The following SH3BP4 variants were observed in gnomAD, a reference collection of about 807,000 sequenced individuals.
The protein encoded by SH3BP4 is SH3 domain-binding protein 4.
SH3BP4 carries 33 observed loss-of-function variants against 65.5 expected under a neutral mutation model. The observed-to-expected ratio is 0.50, with a 90% CI of 0.38 to 0.67. The LOEUF is 0.67. SH3BP4 is among the 30% of genes least tolerant of loss of function. The probability of loss-of-function intolerance (pLI) is 0.00; values close to 1 mark genes in which losing one functional copy is unlikely to be tolerated. For synonymous variants in SH3BP4, 552 were observed against 545.5 expected (o/e 1.01, Z -0.17); for missense variants, 1,134 against 1,261.4 (o/e 0.90, Z 1.53).
At chr2:234,994,813 T>C (rs1211318380) in intron 1 of SH3BP4, 1 of 152,296 alleles carries the variant, frequency 6.6e-6, no homozygotes, top group Non-Finnish European at 1.5e-5. Context: ...CAGAGGCCAC[T>C]GGGCAGGACG....
chr2:235,043,731 C>T (rs1462314727), intron 4 of SH3BP4, among the ~76,000 whole-genome samples: 1 of 131,618 alleles, frequency 7.6e-6, no homozygotes, highest in Non-Finnish European at 1.6e-5. Flanking sequence ...TCAGCACAGC[C>T]TTTCGCCTTC....
intron 1 of SH3BP4, among the ~76,000 whole-genome samples, chr2:234,970,407 A>T (rs1201687123): frequency 1.3e-5 from 2 of 152,140 alleles, no homozygotes; most frequent in East Asian, 3.9e-4. Context: ...TGGCTTTTTA[A>T]TTTTAAAAGC....
intron 2 of SH3BP4, among the ~76,000 whole-genome samples, chr2:235,020,150 G>A (rs1357754134): frequency 6.6e-6 from 1 of 152,150 alleles, no homozygotes; most frequent in Non-Finnish European, 1.5e-5. Context: ...AGGAATGGGT[G>A]TCTTTAAAAC....
rs948191729 is a variant in SH3BP4, at chr2:235,042,373, A to G, written c.1604A>G (p.Gln535Arg). 2 of 1,614,158 alleles carry G rather than the reference A, an allele frequency of 1.2e-6. No homozygotes were observed. Among genetic ancestry groups the G allele is most frequent in the Non-Finnish European group, 1.7e-6 (2 of 1,180,036 alleles). Reference protein sequence around the residue: ...GKHQFVLSRPQDLKVCMFSNM... With the variant: ...GKHQFVLSRPRDLKVCMFSNM... ...CACCAGTTCGTTTTGTCCAGGCCCC[A>G]GGATCTCAAGGTCTGTATGTTTTCC... The change falls in exon 4 of 6, where the codon CAG becomes CGG. Residue 535 changes from glutamine (Q) to arginine (R), a missense_variant. Gln to Arg is a conservative substitution (Grantham distance 43). Coordinates refer to ENST00000392011, the MANE Select transcript of SH3BP4 (RefSeq NM_014521.3). The surrounding 1 kb of genome is among the most constrained non-coding windows in gnomAD (Gnocchi z 7.3).
chr2:235,011,830 T>A (rs1287746082), intron 2 of SH3BP4, among the ~76,000 whole-genome samples: 1 of 152,188 alleles, frequency 6.6e-6, no homozygotes, highest in African/African-American at 2.4e-5. Context: ...CCCATTCATA[T>A]ACAAGGAGAT....
chr2:234,966,806 T>C (rs1692849503), intron 1 of SH3BP4, among the ~76,000 whole-genome samples: 1 of 152,228 alleles, frequency 6.6e-6, no homozygotes, highest in Non-Finnish European at 1.5e-5. Context: ...CAAATGGACC[T>C]GGTGTCAAAC....
chr2:234,992,838 T>C (rs1693792445), intron 1 of SH3BP4, among the ~76,000 whole-genome samples: 1 of 147,008 alleles, frequency 6.8e-6, no homozygotes, highest in African/African-American at 2.6e-5. Flanking sequence ...GATGGACACG[T>C]TCCTGCCGTG....
rs1695681772 is a variant in SH3BP4, at chr2:235,042,215, A to G, written c.1446A>G (p.Lys482=). 1 of 1,614,044 alleles carries G rather than the reference A, an allele frequency of 6.2e-7. No homozygotes were observed. The highest frequency in any genetic ancestry group is 8.5e-7 in the Non-Finnish European group (1 of 1,180,002). The part of the protein sequence containing the change: ...KKVTVGLYGP[K]HIHPSFKTVV... Reference sequence around the variant, plus strand: ...TCACAGTGGGTCTCTACGGCCCTAAACACATCCACCCATCCTTCAAGACGG... The same window carrying G: ...TCACAGTGGGTCTCTACGGCCCTAAGCACATCCACCCATCCTTCAAGACGG... The change falls in exon 4 of 6, where the codon AAA becomes AAG. Residue 482 remains lysine, a synonymous_variant. Coordinates refer to ENST00000392011, the MANE Select transcript of SH3BP4 (RefSeq NM_014521.3). This position sits in a 1 kb window ranked among gnomAD's most constrained non-coding sequence, Gnocchi z 7.3.
At chr2:235,007,203 A>G (rs1694323464) in intron 2 of SH3BP4, among the ~76,000 whole-genome samples, 1 of 152,142 alleles carries the variant, frequency 6.6e-6, no homozygotes, top group Non-Finnish European at 1.5e-5. Flanking sequence ...GCAGGAAGGC[A>G]GGAGCAGGAG....
In SH3BP4 at chr2:234,967,758, G is replaced by A. The variant is rs1261176184; in HGVS notation, c.-207+15588G>A. ...GATGCTGAGTCCCGCTTTGGGAGGT[G>A]TGGCACAGGGGCAGCCACAGTGGAC... On this transcript the variant is annotated intron_variant, in intron 1 of 5. Transcript: ENST00000392011. This position sits in a 1 kb window ranked among gnomAD's most constrained non-coding sequence, Gnocchi z 4.6. Among the ~76,000 whole-genome samples the A allele has an allele frequency of 1.3e-5, 2 of 152,186 alleles. No individual in the cohort carries two copies. Among genetic ancestry groups the A allele is most frequent in the Non-Finnish European group, 2.9e-5 (2 of 68,034 alleles).
intron 1 of SH3BP4, among the ~76,000 whole-genome samples, chr2:234,980,129 G>A (rs866458995): frequency 6.6e-6 from 1 of 152,288 alleles, no homozygotes; most frequent in Non-Finnish European, 1.5e-5. Context: ...TAGTTCATCT[G>A]TTTTCATTAC....
intron 1 of SH3BP4, among the ~76,000 whole-genome samples, chr2:234,971,499 A>G (rs1237155466): frequency 1.3e-5 from 2 of 152,206 alleles, no homozygotes; most frequent in Non-Finnish European, 2.9e-5. Context: ...TCTTTTGGGT[A>G]TATTCCCAGA....
At chr2:234,956,579 G>A (rs1316545604) in intron 1 of SH3BP4, among the ~76,000 whole-genome samples, 1 of 131,688 alleles carries the variant, frequency 7.6e-6, no homozygotes, top group South Asian at 2.6e-4. Flanking sequence ...TTTTTGAGTT[G>A]AGATTTCTCT....
Position 235,054,137 on chromosome 2 carries a change from G to C in SH3BP4, c.*321G>C. 1 of 276,550 alleles carries C rather than the reference G, an allele frequency of 3.6e-6. No individual in the cohort carries two copies. The highest frequency in any genetic ancestry group is 6.9e-6 in the Non-Finnish European group (1 of 145,512). 17.1% of individuals were successfully genotyped at this position (276,550 alleles called of 1,614,324 possible). ...TCTAATTTTTTTATGGACCATAAAG[G>C]TTTAAAAGAAAATAGGGGCACAGGC... is the stretch of plus-strand genomic sequence containing the variant. On this transcript the variant is annotated 3_prime_UTR_variant, in exon 6 of 6. Coordinates refer to ENST00000392011, the MANE Select transcript of SH3BP4 (RefSeq NM_014521.3).
intron 2 of SH3BP4, among the ~76,000 whole-genome samples, chr2:235,010,071 G>A (rs1379981889): frequency 6.7e-6 from 1 of 148,354 alleles, no homozygotes; most frequent in African/African-American, 2.4e-5. Context: ...CCATCCCCGG[G>A]ATCCCCCAAA....
chr2:234,982,920 A>G (rs1693431691), intron 1 of SH3BP4, among the ~76,000 whole-genome samples: 1 of 152,150 alleles, frequency 6.6e-6, no homozygotes, highest in African/African-American at 2.4e-5. Context: ...TAATACAATG[A>G]TGATGAGGCA....
intron 2 of SH3BP4, among the ~76,000 whole-genome samples, chr2:235,017,045 CTTTTTTTTTTT>C (rs995197698): frequency 3.4e-5 from 3 of 88,440 alleles, no homozygotes; most frequent in Admixed American, 2.6e-4. Context: ...GTTTGCCTTT[CTTTTTTTTTTT>C]TTTTTTTTTT....
chr2:234,990,163 A>G (rs1385014395), intron 1 of SH3BP4, among the ~76,000 whole-genome samples: 1 of 152,346 alleles, frequency 6.6e-6, no homozygotes, highest in Non-Finnish European at 1.5e-5. Flanking sequence ...TCTGAAATCC[A>G]AAGCACTTCT....
In SH3BP4 at chr2:235,026,010, G is replaced by A. The variant is rs889392449; in HGVS notation, c.-132-8861G>A. On this transcript the variant is annotated intron_variant, in intron 2 of 5. Coordinates refer to ENST00000392011, the MANE Select transcript of SH3BP4 (RefSeq NM_014521.3). This position sits in a 1 kb window ranked among gnomAD's most constrained non-coding sequence, Gnocchi z 4.6. ...AAGCTTAGAATGTCTCCCACAGACTGTGGGGGCCTCTGAAGAGTCTGAAGT... is the reference window on the plus strand; with the variant it reads ...AAGCTTAGAATGTCTCCCACAGACTATGGGGGCCTCTGAAGAGTCTGAAGT... Among the ~76,000 whole-genome samples the A allele has an allele frequency of 2.0e-5, 3 of 152,216 alleles. No individual in the cohort carries two copies. Among genetic ancestry groups the A allele is most frequent in the Non-Finnish European group, 4.4e-5 (3 of 68,052 alleles).
Sources: allele counts gnomAD v4.1 joint callset (sites outside exome capture counted in the v4.1 genomes callset), GRCh38; gene constraint gnomAD v4.1.1; non-coding constraint Gnocchi (gnomAD v3.1); transcripts MANE v1.5; gene names NCBI Gene and HGNC (gene_info 2026-07-23, HGNC 2026-07-21).